Variants in ABI2 observed in about 807,000 individuals in gnomAD.
The protein encoded by ABI2 is abl interactor 2, also known as abelson interactor 2.
A neutral mutation model predicts 59.2 loss-of-function variants in ABI2; 25 were observed. The observed-to-expected ratio is 0.42, with a 90% CI of 0.31 to 0.59. The LOEUF is 0.59. Ranked by LOEUF, ABI2 falls within the 20% of genes least tolerant of loss-of-function variation. The probability of loss-of-function intolerance (pLI) is 0.14; values close to 1 mark genes in which losing one functional copy is unlikely to be tolerated. For synonymous variants in ABI2, 213 were observed against 235.5 expected (o/e 0.90, Z 0.87); for missense variants, 545 against 681.8 (o/e 0.80, Z 2.23).
intron 1 of ABI2, among the ~76,000 whole-genome samples, chr2:203,337,509 AG>A (rs1298279031): frequency 1.3e-5 from 2 of 152,254 alleles, no homozygotes; most frequent in African/African-American, 4.8e-5. Flanking sequence ...ATAAATGGGA[AG>A]ATATCCCGTG....
At chr2:203,333,648 G>A (rs1275301188) in intron 1 of ABI2, among the ~76,000 whole-genome samples, 1 of 152,092 alleles carries the variant, frequency 6.6e-6, no homozygotes, top group Non-Finnish European at 1.5e-5. Flanking sequence ...AGAGACATTT[G>A]GTGAATAGAT....
At position 203,423,866 on chromosome 2, in the gene ABI2, A is replaced by G. The variant is rs1463576039; in HGVS notation, c.1454-3311A>G. Among the ~76,000 whole-genome samples the G allele has an allele frequency of 2.0e-5, 3 of 152,348 alleles. No homozygotes were observed. The East Asian group carries it at 5.8e-4, about 29-fold the overall frequency. On this transcript the variant is annotated intron_variant, in intron 11 of 11. Coordinates refer to ENST00000261018, the MANE Select transcript of ABI2 (RefSeq NM_001375670.1). ...GTTTTTTTCAGTTTTACAGACCTTCATAAAATATTCTAGAATGTATTCAAT... is the reference window on the plus strand; with the variant it reads ...GTTTTTTTCAGTTTTACAGACCTTCGTAAAATATTCTAGAATGTATTCAAT...
chr2:203,420,495 G>C (rs1040090745), intron 11 of ABI2, among the ~76,000 whole-genome samples: 1 of 150,586 alleles, frequency 6.6e-6, no homozygotes, highest in Non-Finnish European at 1.5e-5. Flanking sequence ...CCAGGTTCAC[G>C]CCATTCTCCT....
chr2:203,379,306 G>A (rs1295633535), intron 2 of ABI2, among the ~76,000 whole-genome samples: 1 of 152,132 alleles, frequency 6.6e-6, no homozygotes, highest in Non-Finnish European at 1.5e-5. Context: ...AGAGTGCAGT[G>A]GTGCATTCAT....
chr2:203,407,538 G>A (rs2097481390), intron 9 of ABI2, among the ~76,000 whole-genome samples: 1 of 152,160 alleles, frequency 6.6e-6, no homozygotes, highest in Admixed American at 6.5e-5. Flanking sequence ...ATGCTTCAGA[G>A]GACTTTATAA....
chr2:203,357,253 A>G (rs1304131564), intron 1 of ABI2, among the ~76,000 whole-genome samples: 1 of 152,238 alleles, frequency 6.6e-6, no homozygotes, highest in Non-Finnish European at 1.5e-5. Context: ...CAGTCCTTTT[A>G]ATATAACATA....
intron 1 of ABI2, among the ~76,000 whole-genome samples, chr2:203,361,860 A>G (rs1306360471): frequency 6.6e-6 from 1 of 152,166 alleles, no homozygotes; most frequent in Non-Finnish European, 1.5e-5. Flanking sequence ...TGTCTGTGCT[A>G]AGTTTGCAGG....
In ABI2 at chr2:203,414,165, A is replaced by C. The variant is rs367897620; in HGVS notation, c.1280-2743A>C. The stretch of plus-strand genomic sequence containing the variant: ...CACCCAGGCTGGAGTACAGTGGTGC[A>C]ATCTTGGCTCTCTGCCACCTTCCCC... On this transcript the variant is annotated intron_variant, in intron 10 of 11. Transcript: ENST00000261018. Among the ~76,000 whole-genome samples the C allele has an allele frequency of 1.6e-4, 24 of 147,572 alleles. No individual in the cohort carries two copies. In the South Asian group the frequency reaches 5.1e-3, roughly 32 times the overall value.
At position 203,394,768 on chromosome 2, in the gene ABI2, G is replaced by A. The variant is rs1194190336; in HGVS notation, c.647G>A (p.Ser216Asn). 3 of 1,613,968 alleles carry A rather than the reference G, an allele frequency of 1.9e-6. No individual in the cohort carries two copies. The highest frequency in any genetic ancestry group is 2.5e-6 in the Non-Finnish European group (3 of 1,180,024). ...GTGGTACCAAATGATTACGTACCTA[G>A]CCCAACCCGTAATATGGCTCCCTCG... is the stretch of plus-strand genomic sequence containing the variant. Reference protein sequence around the residue: ...PPVVPNDYVPSPTRNMAPSQQ... With the variant: ...PPVVPNDYVPNPTRNMAPSQQ... The change falls in exon 6 of 12, where the codon AGC becomes AAC. Residue 216 changes from serine (S) to asparagine (N), a missense_variant. Ser to Asn is a conservative substitution (Grantham distance 46, BLOSUM62 1). Around this residue, in one of 4 missense-constraint regions of ABI2, gnomAD observed 410 missense variants for 435.6 expected, o/e 0.94. Coordinates refer to ENST00000261018, the MANE Select transcript of ABI2 (RefSeq NM_001375670.1).
intron 1 of ABI2, among the ~76,000 whole-genome samples, chr2:203,344,375 T>G (rs2081888913): frequency 6.6e-6 from 1 of 152,104 alleles, no homozygotes; most frequent in Non-Finnish European, 1.5e-5. Flanking sequence ...TTTTTTCCTT[T>G]TTTTTTGAGA....
Position 203,402,738 on chromosome 2 carries a change from A to C in ABI2, c.1192+4A>C. ...CCTTTTTATAGCCAGAATCCAGGTT[A>C]GTTTTTTTGTTTTTTTGCATTCTAT... is the stretch of plus-strand genomic sequence containing the variant. On this transcript the variant is annotated splice_donor_region_variant and intron_variant, in intron 9 of 11. Coordinates refer to ENST00000261018, the MANE Select transcript of ABI2 (RefSeq NM_001375670.1). 1 of 1,559,098 alleles carries C rather than the reference A, an allele frequency of 6.4e-7. No individual in the cohort carries two copies. Among genetic ancestry groups the C allele is most frequent in the Non-Finnish European group, 8.6e-7 (1 of 1,161,170 alleles).
intron 1 of ABI2, among the ~76,000 whole-genome samples, chr2:203,360,321 T>C (rs760203626): frequency 6.6e-6 from 1 of 151,946 alleles, no homozygotes; most frequent in African/African-American, 2.4e-5. Context: ...TCATGTGAGG[T>C]CGGTTATCAA....
intron 4 of ABI2, among the ~76,000 whole-genome samples, chr2:203,385,974 A>G (rs1378737238): frequency 1.3e-5 from 2 of 151,934 alleles, no homozygotes; most frequent in African/African-American, 4.8e-5. Context: ...CCTTTTTCTA[A>G]AAATCTTAAC....
At chr2:203,333,821 C>A (rs1316803820) in intron 1 of ABI2, among the ~76,000 whole-genome samples, 1 of 152,132 alleles carries the variant, frequency 6.6e-6, no homozygotes, top group East Asian at 1.9e-4. Context: ...CGTTATTGAT[C>A]CAGGAAATCC....
At chr2:203,362,507 C>T (rs954560230) in intron 1 of ABI2, among the ~76,000 whole-genome samples, 7 of 151,766 alleles carry the variant, frequency 4.6e-5, no homozygotes, top group Non-Finnish European at 1.0e-4. Flanking sequence ...GTTTTTTCTA[C>T]TGGTATTTTA....
intron 11 of ABI2, among the ~76,000 whole-genome samples, chr2:203,423,502 T>G (rs946855167): frequency 2.0e-5 from 3 of 152,228 alleles, no homozygotes; most frequent in African/African-American, 7.2e-5. Flanking sequence ...CTCGGCTCAC[T>G]GCAACCTCCG....
In ABI2 at chr2:203,396,927, T is replaced by C. The variant is rs1388620831; in HGVS notation, c.993T>C (p.Thr331=). Residue 331 remains threonine (T), a synonymous_variant, in exon 8 of 12, where the codon ACT becomes ACC. Coordinates refer to ENST00000261018, the MANE Select transcript of ABI2 (RefSeq NM_001375670.1). Reference sequence around the variant, plus strand: ...CCCAGACCCTTGCTGATGGCTTCACTTCTCCAACTCCCCCTGTTGTTTCTT... The same window carrying C: ...CCCAGACCCTTGCTGATGGCTTCACCTCTCCAACTCCCCCTGTTGTTTCTT... ...GGAQTLADGF[T]SPTPPVVSST... is the part of the protein sequence containing the mutation. 6.6e-7 allele frequency: 1 copy of C among 1,522,844 alleles called. No homozygotes were observed. The highest frequency in any genetic ancestry group is 8.8e-7 in the Non-Finnish European group (1 of 1,141,872). 94.3% of individuals were successfully genotyped at this position (1,522,844 alleles called of 1,614,324 possible).
At chr2:203,369,953 T>C (rs897877112) in intron 2 of ABI2, among the ~76,000 whole-genome samples, 1 of 152,172 alleles carries the variant, frequency 6.6e-6, no homozygotes, top group Non-Finnish European at 1.5e-5. Flanking sequence ...GAATTCTTTA[T>C]TTAAAAAGTC....
chr2:203,417,329 TC>T (rs2097938936), intron 11 of ABI2, among the ~76,000 whole-genome samples: 1 of 152,224 alleles, frequency 6.6e-6, no homozygotes, highest in Admixed American at 6.5e-5. Flanking sequence ...ATGAATGGTT[TC>T]TATCAGTGTT....
Sources: allele counts gnomAD v4.1 joint callset (sites outside exome capture counted in the v4.1 genomes callset), GRCh38; gene constraint gnomAD v4.1.1; regional missense constraint gnomAD v4.1.1; transcripts MANE v1.5; gene names NCBI Gene and HGNC (gene_info 2026-07-23, HGNC 2026-07-21).